The following FAM20A variants were observed in gnomAD, a reference collection of about 807,000 sequenced individuals.
FAM20A encodes the protein pseudokinase FAM20A.
A neutral mutation model predicts 52.0 loss-of-function variants in FAM20A; 42 were observed. The observed-to-expected ratio is 0.81, with a 90% CI of 0.63 to 1.04. The LOEUF is 1.04. Ranked by LOEUF, FAM20A falls within the 50% of genes least tolerant of loss-of-function variation. FAM20A has a pLI of 0.00. For missense variants in FAM20A, 742 were observed against 712.7 expected, an observed-to-expected ratio of 1.04 and a Z score of -0.47; for synonymous variants, 304 against 298.9, an observed-to-expected ratio of 1.02 and a Z score of -0.18.
At chr17:68,541,159 T>G (rs1469067396) in intron 7 of FAM20A, 2 of 672,048 alleles carry the variant, frequency 3.0e-6, no homozygotes, top group South Asian at 1.9e-5. Flanking sequence ...CCTGGGTCCT[T>G]TAAGTCTGGT....
At chr17:68,581,847 T>G (rs901236731) in intron 1 of FAM20A, among the ~76,000 whole-genome samples, 5 of 152,318 alleles carry the variant, frequency 3.3e-5, no homozygotes, top group African/African-American at 1.2e-4. Flanking sequence ...GTGCTGGGAT[T>G]ACAGGTGGGA....
rs909891419 is a variant in FAM20A at position 68,535,301 on chromosome 17, A to T, written c.*2176T>A. The T allele has an allele frequency of 4.8e-5, 22 of 454,030 alleles. No homozygotes were observed. Among genetic ancestry groups the T allele is most frequent in the African/African-American group, 4.4e-4 (22 of 50,008 alleles). The allele number at this position is 454,030 out of a possible 1,614,324, so 28.1% of individuals were successfully genotyped here. On this transcript the variant is annotated 3_prime_UTR_variant, in exon 11 of 11. Transcript: ENST00000592554. ...GTGAATAATAAGGTAGGTGTACCAC[A>T]TATCATGGTGAAATTCAAGCCTATT... is the stretch of plus-strand genomic sequence containing the variant.
At chr17:68,542,318 A>T (rs946260329) in intron 6 of FAM20A, among the ~76,000 whole-genome samples, 153 bp from the exon 7 acceptor site, 10 of 152,170 alleles carry the variant, frequency 6.6e-5, no homozygotes, top group Non-Finnish European at 1.5e-4. Context: ...CTTTTCCAGA[A>T]GTGAGGGTGT....
intron 1 of FAM20A, among the ~76,000 whole-genome samples, chr17:68,570,660 C>A (rs2087512020): frequency 6.6e-6 from 1 of 152,150 alleles, no homozygotes; most frequent in South Asian, 2.1e-4. Flanking sequence ...TTAGGATGAA[C>A]CGAAATGATA....
intron 3 of FAM20A, among the ~76,000 whole-genome samples, chr17:68,553,889 TACACATATATGCATATATACATATATAC>T (rs1449264066): frequency 0.026 from 3,322 of 127,778 alleles, 53 homozygotes; most frequent in Middle Eastern, 0.053. Flanking sequence ...TATACCTATA[TACACATATATGCATATATACATATATAC>T]ACACATATAT....
chr17:68,600,128 G>C lies in FAM20A; in HGVS notation c.404+135C>G. 1 of 1,066,036 alleles carries C rather than the reference G, an allele frequency of 9.4e-7. No individual in the cohort carries two copies. Among genetic ancestry groups the C allele is most frequent in the South Asian group, 1.6e-5 (1 of 62,090 alleles). The allele number at this position is 1,066,036 out of a possible 1,614,324, so 66.0% of individuals were successfully genotyped here. A position where few individuals can be genotyped will look rare whatever the true frequency, so the allele number is the denominator to read the frequency against. On this transcript the variant is annotated intron_variant, in intron 1 of 10. Coordinates refer to ENST00000592554, the MANE Select transcript of FAM20A (RefSeq NM_017565.4). This position sits in a 1 kb window ranked among gnomAD's most constrained non-coding sequence, Gnocchi z 6.2. ...GGTTCGGGTGGGGAACACACTCTAA[G>C]CCCAGCGCCAGGGCTGGAGCCGTGG...
intron 4 of FAM20A, 152 bp from the exon 5 acceptor site, chr17:68,543,873 G>A (rs1254753350): frequency 1.4e-6 from 1 of 726,984 alleles, no homozygotes; most frequent in Non-Finnish European, 2.4e-6. Context: ...GGAATGGCCT[G>A]TGGCTCCCTT....
intron 1 of FAM20A, among the ~76,000 whole-genome samples, chr17:68,581,350 T>TTGTCTTTC (rs1555831889): frequency 1.1e-5 from 1 of 92,218 alleles, no homozygotes; most frequent in Non-Finnish European, 2.1e-5. Context: ...GAAATGCAGT[T>TTGTCTTTC]TTTCTTTCTT....
At chr17:68,595,749 G>A (rs1193699424) in intron 1 of FAM20A, among the ~76,000 whole-genome samples, 1 of 152,230 alleles carries the variant, frequency 6.6e-6, no homozygotes, top group Non-Finnish European at 1.5e-5. Context: ...CATCCAGCCT[G>A]CGGGTTGAAT....
chr17:68,541,399 G>T, intron 7 of FAM20A: 1 of 219,614 alleles, frequency 4.6e-6, no homozygotes, highest in Non-Finnish European at 9.3e-6. Flanking sequence ...TCATCCGAGG[G>T]CTCTTCTCAG....
intron 1 of FAM20A, among the ~76,000 whole-genome samples, chr17:68,586,944 T>C (rs1478266876): frequency 1.3e-5 from 2 of 152,174 alleles, no homozygotes; most frequent in African/African-American, 4.8e-5. Flanking sequence ...CAGGCTGGAA[T>C]GCAGTGGTGT....
chr17:68,560,948 C>T (rs947314458), intron 1 of FAM20A, among the ~76,000 whole-genome samples: 1 of 152,164 alleles, frequency 6.6e-6, no homozygotes, highest in African/African-American at 2.4e-5. Flanking sequence ...AACATCTTTT[C>T]CTCTGTTCAA....
chr17:68,539,364 A>T lies in FAM20A; in HGVS notation c.1334T>A (p.Ile445Asn). 6.2e-7 allele frequency: 1 copy of T among 1,614,178 alleles called. No homozygotes were observed. The highest frequency in any genetic ancestry group is 8.5e-7 in the Non-Finnish European group (1 of 1,180,032). ...GCAGCACTGGGAGAGAGGCGAGAGGATGGAGATTTCATCATGGGAGTGTCG... is the reference window on the plus strand; with the variant it reads ...GCAGCACTGGGAGAGAGGCGAGAGGTTGGAGATTTCATCATGGGAGTGTCG... Reference protein sequence around the residue: ...FGRHSHDEISILSPLSQCCMI... With the variant: ...FGRHSHDEISNLSPLSQCCMI... Residue 445 changes from isoleucine (I) to asparagine (N), a missense_variant, in exon 10 of 11, where the codon ATC becomes AAC. Ile to Asn is a moderately radical substitution (Grantham distance 149). Transcript: ENST00000592554.
chr17:68,571,492 G>T (rs2087533370), intron 1 of FAM20A, among the ~76,000 whole-genome samples: 1 of 152,148 alleles, frequency 6.6e-6, no homozygotes, highest in Non-Finnish European at 1.5e-5. Context: ...GAGTTCATAA[G>T]GTTGGTCTCA....
intron 1 of FAM20A, among the ~76,000 whole-genome samples, chr17:68,558,865 T>G (rs1281529884): frequency 6.6e-6 from 1 of 152,150 alleles, no homozygotes; most frequent in Non-Finnish European, 1.5e-5. Context: ...TTCAAGCGAT[T>G]CTCCTGCCTC....
Position 68,537,423 on chromosome 17 carries a change from G to C in FAM20A, c.*54C>G. 1.2e-6 allele frequency: 2 copies of C among 1,611,330 alleles called. No individual in the cohort carries two copies. The highest frequency in any genetic ancestry group is 1.7e-6 in the Non-Finnish European group (2 of 1,178,866). ...GAGTGAGGACGCAGGGTCGGCACTC[G>C]AGTCGACTGCTCTGGCTCCAGGCGT... On this transcript the variant is annotated 3_prime_UTR_variant, in exon 11 of 11. Transcript: ENST00000592554. The surrounding 1 kb of genome is among the most constrained non-coding windows in gnomAD (Gnocchi z 4.2).
Position 68,589,288 on chromosome 17 carries a change from G to A in FAM20A, c.404+10975C>T, listed in dbSNP as rs537760382. Among the ~76,000 whole-genome samples, 3 of 152,322 alleles carry A rather than the reference G, an allele frequency of 2.0e-5. No homozygotes were observed. In the East Asian group the frequency reaches 5.8e-4, roughly 29 times the overall value. ...GATCAGCGGAACCAATGCAGTAGCT[G>A]ACTACAGACACCTGAGTAAGTCCAG... On this transcript the variant is annotated intron_variant, in intron 1 of 10. Coordinates refer to ENST00000592554, the MANE Select transcript of FAM20A (RefSeq NM_017565.4).
At position 68,535,875 on chromosome 17, in the gene FAM20A, A is replaced by G. The variant is rs1302169381; in HGVS notation, c.*1602T>C. 1 of 454,016 alleles carries G rather than the reference A, an allele frequency of 2.2e-6. No homozygotes were observed. The allele number at this position is 454,016 out of a possible 1,614,324, so 28.1% of individuals were successfully genotyped here. ...GGGATACTGTTGGGTTTTGTGTTAC[A>G]GTGAAAAGAAGACTTTGGAATAGGT... On this transcript the variant is annotated 3_prime_UTR_variant, in exon 11 of 11. Coordinates refer to ENST00000592554, the MANE Select transcript of FAM20A (RefSeq NM_017565.4).
chr17:68,535,230 C>T lies in FAM20A; in HGVS notation c.*2247G>A. 1 of 450,506 alleles carries T rather than the reference C, an allele frequency of 2.2e-6. No individual in the cohort carries two copies. The highest frequency in any genetic ancestry group is 4.5e-6 in the Non-Finnish European group (1 of 224,332). 27.9% of individuals were successfully genotyped at this position (450,506 alleles called of 1,614,324 possible). A position where few individuals can be genotyped will look rare whatever the true frequency, so the allele number is the denominator to read the frequency against. Reference sequence around the variant, plus strand: ...TTTCTGATATTTTTGAGAAATGAGTCTTAATTTTGTTACTAATCAAAAAGT... The same window carrying T: ...TTTCTGATATTTTTGAGAAATGAGTTTTAATTTTGTTACTAATCAAAAAGT... On this transcript the variant is annotated 3_prime_UTR_variant, in exon 11 of 11. Transcript: ENST00000592554.
Sources: allele counts gnomAD v4.1 joint callset (sites outside exome capture counted in the v4.1 genomes callset), GRCh38; gene constraint gnomAD v4.1.1; non-coding constraint Gnocchi (gnomAD v3.1); transcripts MANE v1.5; gene names NCBI Gene and HGNC (gene_info 2026-07-23, HGNC 2026-07-21).